SPTAN1: variants seen among roughly 807,000 people sequenced by gnomAD.
SPTAN1 encodes the protein spectrin alpha chain, non-erythrocytic 1.
A neutral mutation model predicts 331.3 loss-of-function variants in SPTAN1; 61 were observed. The ratio of observed to expected loss-of-function variants is 0.18; its 90% confidence interval spans 0.15 to 0.23. The LOEUF (loss-of-function observed/expected upper bound fraction) is 0.23. SPTAN1 is among the 10% of genes least tolerant of loss of function. SPTAN1 has a pLI of 1.00. For synonymous variants in SPTAN1, 1,153 were observed against 1,173.9 expected, an observed-to-expected ratio of 0.98 and a Z score of 0.36; for missense variants, 2,043 against 3,147.9, an observed-to-expected ratio of 0.65 and a Z score of 8.40.
intron 51 of SPTAN1, 35 bp from the exon 52 acceptor site, chr9:128,630,286 G>A: frequency 1.9e-6 from 3 of 1,612,522 alleles, no homozygotes; most frequent in African/African-American, 1.3e-5. Flanking sequence ...CCAGCTGGGA[G>A]CAGGCCCCTT....
chr9:128,627,337 G>A lies in SPTAN1; in HGVS notation c.6577-49G>A, dbSNP rs1354850713. ...GAGCCCATCTGTGAAGGAGGGGCTG[G>A]TGTCACTGCCACAGCAGCGCACAGC... is the stretch of plus-strand genomic sequence containing the variant. On this transcript the variant is annotated intron_variant, in intron 49 of 56. Coordinates refer to ENST00000372739, the MANE Select transcript of SPTAN1 (RefSeq NM_001130438.3). The surrounding 1 kb of genome is among the most constrained non-coding windows in gnomAD (Gnocchi z 4.9). 6.7e-7 allele frequency: 1 copy of A among 1,503,048 alleles called. No individual in the cohort carries two copies. Among genetic ancestry groups the A allele is most frequent in the East Asian group, 2.5e-5 (1 of 40,648 alleles). The allele number at this position is 1,503,048 out of a possible 1,614,324, so 93.1% of individuals were successfully genotyped here.
intron 22 of SPTAN1, 92 bp from the exon 23 acceptor site, chr9:128,592,891 C>G (rs1049811605): frequency 8.3e-7 from 1 of 1,198,054 alleles, no homozygotes; most frequent in African/African-American, 1.5e-5. Context: ...TAAGCATCCA[C>G]CATCATGGCA....
chr9:128,583,545 G>C (rs1852204135), intron 15 of SPTAN1, among the ~76,000 whole-genome samples: 1 of 152,160 alleles, frequency 6.6e-6, no homozygotes, highest in Admixed American at 6.6e-5. Flanking sequence ...GTTCAGCTGA[G>C]AGCCAAGGGC....
rs1329684947 is a variant in SPTAN1 at position 128,583,084 on chromosome 9, C to T, written c.1814C>T (p.Ser605Phe). 6.2e-7 allele frequency: 1 copy of T among 1,614,114 alleles called. No homozygotes were observed. Among genetic ancestry groups the T allele is most frequent in the South Asian group, 1.1e-5 (1 of 91,082 alleles). Reference sequence around the variant, plus strand: ...CCCTTCTTTTATTCACAGGATCCATCCAACCTACAAGGAAAAGTACAGAAG... The same window carrying T: ...CCCTTCTTTTATTCACAGGATCCATTCAACCTACAAGGAAAAGTACAGAAG... ...TATDEAYKDP[S>F]NLQGKVQKHQ... Residue 605 changes from serine (S) to phenylalanine (F), a missense_variant, in exon 15 of 57, where the codon TCC becomes TTC. By Grantham distance (155) the Ser-to-Phe change is radical. Around this residue, in one of 12 missense-constraint regions of SPTAN1, gnomAD observed 1,038 missense variants for 1,531.5 expected, o/e 0.68. Transcript: ENST00000372739.
chr9:128,624,008 G>A (rs1050463071), intron 45 of SPTAN1, among the ~76,000 whole-genome samples: 1 of 150,248 alleles, frequency 6.7e-6, no homozygotes, highest in East Asian at 2.0e-4. Context: ...TCTTGAACCC[G>A]GGAGGCGGAG....
chr9:128,575,195 A>T lies in SPTAN1; in HGVS notation c.505-4A>T, dbSNP rs377129746. 6.4e-5 allele frequency: 103 copies of T among 1,614,066 alleles called. No homozygotes were observed. The highest frequency in any genetic ancestry group is 8.4e-5 in the Non-Finnish European group (99 of 1,180,036). On this transcript the variant is annotated splice_polypyrimidine_tract_variant and splice_region_variant and intron_variant, in intron 4 of 56. Transcript: ENST00000372739. ...ACTCTGGCTCTCTTATGGTCCCTGA[A>T]TAGGAAGCAATTGTTACTTCTGAAG...
Position 128,577,384 on chromosome 9 carries a change from G to A in SPTAN1, c.963G>A (p.Leu321=). ...VKALCAEADR[L]QQSHPLSATQ... ...CCCTGTGTGCTGAGGCTGACCGCCT[G>A]CAACAGTCCCACCCTCTGAGTGCAA... Residue 321 remains leucine, a synonymous_variant, in exon 8 of 57, where the codon CTG becomes CTA. Coordinates refer to ENST00000372739, the MANE Select transcript of SPTAN1 (RefSeq NM_001130438.3). This position sits in a 1 kb window ranked among gnomAD's most constrained non-coding sequence, Gnocchi z 4.2. 2 of 1,614,210 alleles carry A rather than the reference G, an allele frequency of 1.2e-6. No homozygotes were observed. The highest frequency in any genetic ancestry group is 2.7e-5 in the African/African-American group (2 of 75,050).
intron 1 of SPTAN1, among the ~76,000 whole-genome samples, chr9:128,566,511 G>A (rs1172320663): frequency 1.3e-5 from 2 of 152,148 alleles, no homozygotes; most frequent in East Asian, 3.8e-4. Context: ...TGTGGGTTAG[G>A]CATCTTCTGA....
chr9:128,590,681 C>T (rs1202242013), intron 21 of SPTAN1, among the ~76,000 whole-genome samples: 1 of 151,702 alleles, frequency 6.6e-6, no homozygotes, highest in Non-Finnish European at 1.5e-5. Context: ...GAAACCCCGT[C>T]TCTACTAAAA....
chr9:128,617,641 G>T lies in SPTAN1; in HGVS notation c.5359G>T (p.Glu1787Ter). The T allele has an allele frequency of 6.2e-7, 1 of 1,614,170 alleles. No individual in the cohort carries two copies. Among genetic ancestry groups the T allele is most frequent in the South Asian group, 1.1e-5 (1 of 91,068 alleles). Residue 1787 changes from glutamate to a stop codon, truncating the protein, a stop_gained and splice_region_variant, in exon 42 of 57, where the codon GAG becomes TAG. Coordinates refer to ENST00000372739, the MANE Select transcript of SPTAN1 (RefSeq NM_001130438.3). LOFTEE classifies it high-confidence loss of function. The stretch of plus-strand genomic sequence containing the variant: ...TGCTGTTTCCCATCTCTCATTCAGG[G>T]AGAAGAAGCTGCTGGTGGGCTCAGA... ...DMDDEESWIK[E>*]KKLLVGSEDY...
chr9:128,608,836 C>T (rs1365889330), intron 34 of SPTAN1, 38 bp from the exon 35 acceptor site: 2 of 1,600,700 alleles, frequency 1.2e-6, no homozygotes, highest in African/African-American at 2.7e-5. Context: ...GGCCCAGCCA[C>T]AGGCCCACCT....
At chr9:128,630,230 G>A (rs763169784) in intron 51 of SPTAN1, 91 bp from the exon 52 acceptor site, 3 of 1,376,020 alleles carry the variant, frequency 2.2e-6, no homozygotes, top group South Asian at 2.3e-5. Context: ...ATGTGAGGTT[G>A]CCAGGCATTG....
intron 37 of SPTAN1, among the ~76,000 whole-genome samples, chr9:128,610,979 T>G (rs1856495163): frequency 6.6e-6 from 1 of 152,258 alleles, no homozygotes; most frequent in African/African-American, 2.4e-5. Context: ...TTAATGGTGA[T>G]TTCTGCTTTA....
intron 12 of SPTAN1, 81 bp downstream of exon 12, chr9:128,581,973 A>G (rs946023605): frequency 3.7e-5 from 40 of 1,068,818 alleles, no homozygotes; most frequent in Non-Finnish European, 5.1e-5. Flanking sequence ...TTCCAAACAG[A>G]TTTGATGAAA....
Position 128,607,651 on chromosome 9 carries a change from A to C in SPTAN1, c.4094A>C (p.Asp1365Ala), listed in dbSNP as rs1175320305. 6.2e-7 allele frequency: 1 copy of C among 1,614,058 alleles called. No individual in the cohort carries two copies. Among genetic ancestry groups the C allele is most frequent in the Non-Finnish European group, 8.5e-7 (1 of 1,180,010 alleles). ...GGAATACGGGGGTTGGTGTCCTCAG[A>C]TGAGCTAGCCAAGGATGTCACCGGA... ...INGIRGLVSS[D>A]ELAKDVTGAE... The change falls in exon 32 of 57, where the codon GAT becomes GCT. Residue 1365 changes from aspartate (D) to alanine (A), a missense_variant. Asp to Ala is a moderately radical substitution (Grantham distance 126). Around this residue, in one of 12 missense-constraint regions of SPTAN1, gnomAD observed 179 missense variants for 215.7 expected, o/e 0.83. Transcript: ENST00000372739.
intron 34 of SPTAN1, 82 bp from the exon 35 acceptor site, chr9:128,608,792 A>G (rs1856225079): frequency 3.0e-6 from 4 of 1,352,380 alleles, no homozygotes; most frequent in Middle Eastern, 2.5e-4. Flanking sequence ...ACCCAAAATA[A>G]CTATCCTTTT....
chr9:128,593,971 A>G, intron 23 of SPTAN1: 1 of 621,720 alleles, frequency 1.6e-6, no homozygotes, highest in Admixed American at 2.2e-5. Context: ...TGTGAACAGT[A>G]CAGTGTGCGC....
intron 41 of SPTAN1, among the ~76,000 whole-genome samples, chr9:128,616,755 AAAAAAAT>A (rs1369322142): frequency 6.6e-6 from 1 of 151,866 alleles, no homozygotes; most frequent in African/African-American, 2.4e-5. Flanking sequence ...ACTCCGTCTC[AAAAAAAT>A]AAAAAATAAA....
Position 128,608,228 on chromosome 9 carries a change from G to C in SPTAN1, c.4443G>C (p.Glu1481Asp). The change falls in exon 34 of 57, where the codon GAG becomes GAC. Residue 1481 changes from glutamate to aspartate, a missense_variant. By Grantham distance (45) the Glu-to-Asp change is conservative. Around this residue, in one of 12 missense-constraint regions of SPTAN1, gnomAD observed 179 missense variants for 215.7 expected, o/e 0.83. Coordinates refer to ENST00000372739, the MANE Select transcript of SPTAN1 (RefSeq NM_001130438.3). ...AAGGAGACTCACTGGACAGCGTAGA[G>C]GCTCTGATCAAAAAACATGAAGACT... ...EDKGDSLDSV[E>D]ALIKKHEDFD... The C allele has an allele frequency of 1.2e-6, 2 of 1,614,154 alleles. No homozygotes were observed. The highest frequency in any genetic ancestry group is 1.7e-6 in the Non-Finnish European group (2 of 1,180,036).
Sources: gnomAD v4.1 joint callset for allele counts (sites outside exome capture counted in the v4.1 genomes callset) on GRCh38, gnomAD v4.1.1 for gene constraint, gnomAD v4.1.1 regional missense constraint, Gnocchi (gnomAD v3.1) non-coding constraint, MANE v1.5 for transcripts, NCBI Gene and HGNC (gene_info 2026-07-23, HGNC 2026-07-21) for gene names.